Variants in KIAA1671 observed in about 807,000 individuals in gnomAD.
The protein encoded by KIAA1671 is uncharacterized protein KIAA1671.
In KIAA1671, 52 loss-of-function variants were observed where a neutral mutation model predicts 131.2. That is an observed-to-expected ratio of 0.40 (90% CI 0.32 to 0.50). KIAA1671 has a LOEUF of 0.50. KIAA1671 is among the 20% of genes least tolerant of loss of function. KIAA1671 has a pLI of 0.73. For missense variants in KIAA1671, 2,360 were observed against 2,364.2 expected, an observed-to-expected ratio of 1.00 and a Z score of 0.04; for synonymous variants, 1,003 against 961.6, an observed-to-expected ratio of 1.04 and a Z score of -0.80.
At chr22:25,046,633 C>G (rs2145816050) in intron 5 of KIAA1671, among the ~76,000 whole-genome samples, 1 of 152,290 alleles carries the variant, frequency 6.6e-6, no homozygotes, top group East Asian at 1.9e-4. Context: ...CCGGTAATCA[C>G]TTTTATTCCT....
rs140975576 is a variant in KIAA1671, at chr22:24,984,760, A to C, written c.-208+31988A>C. Reference sequence around the variant, plus strand: ...AACCCCATCTCTACTAAAAATGCAAAAAAATTAGATGGGCTTGGCGGCATG... The same window carrying C: ...AACCCCATCTCTACTAAAAATGCAACAAAATTAGATGGGCTTGGCGGCATG... On this transcript the variant is annotated intron_variant, in intron 1 of 12. Coordinates refer to ENST00000358431, the MANE Select transcript of KIAA1671 (RefSeq NM_001145206.2). Among the ~76,000 whole-genome samples the C allele has an allele frequency of 4.9e-3, 742 of 152,068 alleles. 2 individuals carry two copies. Among genetic ancestry groups the C allele is most frequent in the Non-Finnish European group, 8.2e-3 (555 of 67,994 alleles).
chr22:25,133,972 C>A (rs979719840), intron 6 of KIAA1671, among the ~76,000 whole-genome samples: 2 of 152,224 alleles, frequency 1.3e-5, no homozygotes, highest in African/African-American at 4.8e-5. Flanking sequence ...TGAGATTCCA[C>A]AAGGGGAACT....
intron 1 of KIAA1671, among the ~76,000 whole-genome samples, chr22:24,970,929 G>A (rs920502887): frequency 7.9e-5 from 12 of 152,140 alleles, no homozygotes; most frequent in Middle Eastern, 6.8e-3. Context: ...CTCAATCATC[G>A]TAATCAACTG....
Position 25,039,922 on chromosome 22 carries a change from C to T in KIAA1671, c.2792C>T (p.Ala931Val). ...GGGCCGGCCCAGGTGCCACAGCCTG[C>T]AGTCAGAATGCGGAAAGCCGGCGCC... Reference protein sequence around the residue: ...DPGPAQVPQPAVRMRKAGAMD... With the variant: ...DPGPAQVPQPVVRMRKAGAMD... The change falls in exon 5 of 13, where the codon GCA (alanine) becomes GTA (valine). Residue 931 changes from alanine to valine, a missense_variant. Transcript: ENST00000358431. 1 of 1,551,570 alleles carries T rather than the reference C, an allele frequency of 6.4e-7. No individual in the cohort carries two copies. The highest frequency in any genetic ancestry group is 8.7e-7 in the Non-Finnish European group (1 of 1,146,974).
chr22:25,045,054 C>T (rs1041634720), intron 5 of KIAA1671, among the ~76,000 whole-genome samples: 17 of 150,946 alleles, frequency 1.1e-4, no homozygotes, highest in South Asian at 2.1e-4. Flanking sequence ...CCAGCTACTC[C>T]GGAGGCTGAG....
Position 25,038,758 on chromosome 22 carries a change from A to T in KIAA1671, c.1630-2A>T. The T allele has an allele frequency of 1.3e-6, 2 of 1,520,146 alleles. No individual in the cohort carries two copies. Among genetic ancestry groups the T allele is most frequent in the Admixed American group, 2.1e-5 (1 of 47,180 alleles). 94.2% of individuals were successfully genotyped at this position (1,520,146 alleles called of 1,614,324 possible). On this transcript the variant is annotated splice_acceptor_variant, in intron 4 of 12. Coordinates refer to ENST00000358431, the MANE Select transcript of KIAA1671 (RefSeq NM_001145206.2). LOFTEE classifies it high-confidence loss of function. The stretch of plus-strand genomic sequence containing the variant: ...TTTCTTTTTCTTTTTGTTTCTTTCC[A>T]GCAAAAGGAGGGGCACAGTTTGGAT...
rs1041577275 is a variant in KIAA1671, at chr22:25,002,090, G to T, written c.-207-23543G>T. 2.6e-5 allele frequency among the ~76,000 whole-genome samples: 4 copies of T among 152,076 alleles called. No homozygotes were observed. The South Asian group carries it at 6.2e-4, about 24-fold the overall frequency. The stretch of plus-strand genomic sequence containing the variant: ...CCTCTGGTTAGGAAAAACACTTCTC[G>T]AAACCCTTTCCCATTGTCCTGCCCT... On this transcript the variant is annotated intron_variant, in intron 1 of 12. Coordinates refer to ENST00000358431, the MANE Select transcript of KIAA1671 (RefSeq NM_001145206.2).
Position 25,049,303 on chromosome 22 carries a change from T to A in KIAA1671, c.4469T>A (p.Val1490Glu). Reference protein sequence around the residue: ...KERPLQQVSPVASVPWRSHSF... With the variant: ...KERPLQQVSPEASVPWRSHSF... ...CGACCGCTCCAGCAGGTGTCCCCTG[T>A]GGCCTCGGTTCCCTGGAGAAGCCAC... Residue 1490 changes from valine (V) to glutamate (E), a missense_variant, in exon 6 of 13, where the codon GTG becomes GAG. Val to Glu is a moderately radical substitution (Grantham distance 121). Coordinates refer to ENST00000358431, the MANE Select transcript of KIAA1671 (RefSeq NM_001145206.2). The A allele has an allele frequency of 1.3e-6, 2 of 1,551,786 alleles. No homozygotes were observed. Among genetic ancestry groups the A allele is most frequent in the Admixed American group, 2.0e-5 (1 of 51,010 alleles).
intron 1 of KIAA1671, among the ~76,000 whole-genome samples, chr22:24,994,382 A>G (rs1923999327): frequency 6.6e-6 from 1 of 152,154 alleles, no homozygotes; most frequent in Non-Finnish European, 1.5e-5. Context: ...ACCTTGGGGA[A>G]CAGCTGGGGC....
At chr22:25,067,359 G>A (rs1928532731) in intron 6 of KIAA1671, among the ~76,000 whole-genome samples, 1 of 152,038 alleles carries the variant, frequency 6.6e-6, no homozygotes, top group Non-Finnish European at 1.5e-5. Context: ...TGTTCCTGGT[G>A]CTCTTTGTCC....
chr22:25,124,388 A>G (rs1167039062), intron 6 of KIAA1671, among the ~76,000 whole-genome samples: 2 of 152,216 alleles, frequency 1.3e-5, no homozygotes, highest in African/African-American at 4.8e-5. Flanking sequence ...AAAATTGCAG[A>G]GTTTGTGAAC....
intron 1 of KIAA1671, among the ~76,000 whole-genome samples, chr22:24,973,584 C>T (rs1382233105): frequency 1.3e-5 from 2 of 151,312 alleles, no homozygotes; most frequent in Non-Finnish European, 2.9e-5. Context: ...TTAATAGAGA[C>T]AGGATTGTCT....
intron 6 of KIAA1671, among the ~76,000 whole-genome samples, chr22:25,130,802 A>G (rs1368750530): frequency 1.3e-5 from 2 of 152,122 alleles, no homozygotes; most frequent in African/African-American, 2.4e-5. Context: ...TCCTGGGGAA[A>G]TAGCACAGCT....
chr22:25,005,356 AAAAAAAAAG>A (rs1223116044), intron 1 of KIAA1671, among the ~76,000 whole-genome samples: 8 of 151,774 alleles, frequency 5.3e-5, no homozygotes, highest in African/African-American at 1.9e-4. Flanking sequence ...TAAAAAAAAA[AAAAAAAAAG>A]AAAAAAAGAA....
intron 1 of KIAA1671, among the ~76,000 whole-genome samples, chr22:24,958,334 A>C (rs1921827655): frequency 6.6e-6 from 1 of 152,064 alleles, no homozygotes; most frequent in African/African-American, 2.4e-5. Context: ...AGCCTGGGCA[A>C]CATAGCGAGA....
Position 25,192,579 on chromosome 22 carries a change from C to T in KIAA1671, c.*178C>T, listed in dbSNP as rs541005976. The T allele has an allele frequency of 4.6e-5, 7 of 152,354 alleles. No individual in the cohort carries two copies. Among genetic ancestry groups the T allele is most frequent in the Non-Finnish European group, 8.8e-5 (6 of 68,060 alleles). 9.4% of individuals were successfully genotyped at this position (152,354 alleles called of 1,614,324 possible). ...TCGCCAGGCTCTCCCTGGATCCAGA[C>T]GGGAAGACCCAACCTCCAGGAGCAC... On this transcript the variant is annotated 3_prime_UTR_variant, in exon 13 of 13. Coordinates refer to ENST00000358431, the MANE Select transcript of KIAA1671 (RefSeq NM_001145206.2).
chr22:24,953,898 CTTTT>C (rs1391070098), intron 1 of KIAA1671, among the ~76,000 whole-genome samples: 1 of 152,030 alleles, frequency 6.6e-6, no homozygotes, highest in Non-Finnish European at 1.5e-5. Context: ...TTCTTTGCAC[CTTTT>C]TTGTGACCTT....
chr22:25,136,688 C>T (rs532323602), intron 6 of KIAA1671, among the ~76,000 whole-genome samples: 1 of 152,142 alleles, frequency 6.6e-6, no homozygotes, highest in Non-Finnish European at 1.5e-5. Flanking sequence ...TGATTATAGC[C>T]AAAGATGCTT....
Position 25,040,024 on chromosome 22 carries a change from T to G in KIAA1671, c.2894T>G (p.Val965Gly). Residue 965 changes from valine (V) to glycine (G), a missense_variant, in exon 5 of 13, where the codon GTC becomes GGC. Val to Gly is a moderately radical substitution (Grantham distance 109, BLOSUM62 -3). Transcript: ENST00000358431. ...AAATTTGATACATTCAGTTCTCTTG[T>G]CCCAGAGGACTCTCCACATGTGGGG... ...NVKFDTFSSL[V>G]PEDSPHVGHR... is the part of the protein sequence containing the mutation. The G allele has an allele frequency of 1.3e-6, 2 of 1,551,646 alleles. No homozygotes were observed. Among genetic ancestry groups the G allele is most frequent in the Non-Finnish European group, 1.7e-6 (2 of 1,146,980 alleles).
Sources: allele counts gnomAD v4.1 joint callset (sites outside exome capture counted in the v4.1 genomes callset), GRCh38; gene constraint gnomAD v4.1.1; transcripts MANE v1.5; gene names NCBI Gene and HGNC (gene_info 2026-07-23, HGNC 2026-07-21).